TRAPPC10: variants seen among roughly 807,000 people sequenced by gnomAD.
TRAPPC10 encodes the protein trafficking protein particle complex subunit 10.
A neutral mutation model predicts 125.5 loss-of-function variants in TRAPPC10; 23 were observed. That is an observed-to-expected ratio of 0.18 (90% CI 0.13 to 0.26). The LOEUF is 0.26. Among genes scored for constraint, TRAPPC10 ranks in the 10% least tolerant of loss-of-function variants. TRAPPC10 has a pLI of 1.00. For missense variants in TRAPPC10, 1,123 were observed against 1,308.4 expected (o/e 0.86, Z 2.19); for synonymous variants, 509 against 518.0 (o/e 0.98, Z 0.24).
intron 3 of TRAPPC10, among the ~76,000 whole-genome samples, chr21:44,048,732 G>T (rs893096681): frequency 6.6e-6 from 1 of 150,462 alleles, no homozygotes; most frequent in Non-Finnish European, 1.5e-5. Context: ...GACCTCAAGT[G>T]ATCTGCCCAC....
At chr21:44,069,898 T>G (rs2036733797) in intron 7 of TRAPPC10, among the ~76,000 whole-genome samples, 1 of 147,754 alleles carries the variant, frequency 6.8e-6, no homozygotes, top group Admixed American at 6.8e-5. Flanking sequence ...AAGGCATACT[T>G]TTTTTTTTTT....
intron 1 of TRAPPC10, 27 bp from the exon 2 acceptor site, chr21:44,032,064 A>T: frequency 2.5e-6 from 4 of 1,583,450 alleles, no homozygotes; most frequent in Non-Finnish European, 3.5e-6. Flanking sequence ...AAAATATGGT[A>T]ACTGAATTTC....
chr21:44,031,474 C>T (rs1310392623), intron 1 of TRAPPC10, among the ~76,000 whole-genome samples: 3 of 152,208 alleles, frequency 2.0e-5, no homozygotes, highest in Admixed American at 6.5e-5. Flanking sequence ...TCCTAACTCG[C>T]GTCTGCCACT....
At chr21:44,013,756 G>C (rs971052431) in intron 1 of TRAPPC10, among the ~76,000 whole-genome samples, 47 of 152,160 alleles carry the variant, frequency 3.1e-4, no homozygotes, top group African/African-American at 1.1e-3. Context: ...ACCTAGACGA[G>C]ATGATAGACT....
chr21:44,071,211 G>T (rs2036840861), intron 7 of TRAPPC10, among the ~76,000 whole-genome samples: 1 of 152,186 alleles, frequency 6.6e-6, no homozygotes, highest in Non-Finnish European at 1.5e-5. Flanking sequence ...CAGGAGCCGG[G>T]TGCCTCTTTG....
chr21:44,090,302 A>T (rs887948689), intron 18 of TRAPPC10, among the ~76,000 whole-genome samples: 17 of 152,270 alleles, frequency 1.1e-4, no homozygotes, highest in African/African-American at 3.1e-4. Flanking sequence ...GGATTTGTTA[A>T]CTAGTTCTCC....
At chr21:44,092,452 G>A (rs1447864288) in intron 19 of TRAPPC10, among the ~76,000 whole-genome samples, 2 of 152,212 alleles carry the variant, frequency 1.3e-5, no homozygotes. Flanking sequence ...GCCTGCATCT[G>A]GACCTTGCTT....
At chr21:44,054,995 C>T (rs117837533) in intron 4 of TRAPPC10, among the ~76,000 whole-genome samples, 10 of 152,260 alleles carry the variant, frequency 6.6e-5, no homozygotes, top group Admixed American at 3.9e-4. Context: ...AGTGAGACAT[C>T]GTGGTCCTTT....
rs774337597 is a variant in TRAPPC10, at chr21:44,082,769, C to A, written c.1724-19C>A. 1.2e-6 allele frequency: 2 copies of A among 1,610,294 alleles called. No individual in the cohort carries two copies. The highest frequency in any genetic ancestry group is 1.7e-6 in the Non-Finnish European group (2 of 1,177,334). ...GAAGTGTGACTTGGGGAGTCACTTA[C>A]GATAATGTCTATTTACAGGTCATAA... On this transcript the variant is annotated intron_variant, in intron 13 of 22. Transcript: ENST00000291574. The surrounding 1 kb of genome is among the most constrained non-coding windows in gnomAD (Gnocchi z 4.4).
chr21:44,077,173 T>C (rs79412841), intron 10 of TRAPPC10, among the ~76,000 whole-genome samples: 2,630 of 152,272 alleles, frequency 0.017, 74 homozygotes, highest in African/African-American at 0.059. Flanking sequence ...TTGGATGAGT[T>C]TGTGGGTTTC....
At chr21:44,093,640 C>T (rs754030948) in intron 19 of TRAPPC10, among the ~76,000 whole-genome samples, 24 of 152,138 alleles carry the variant, frequency 1.6e-4, no homozygotes, top group Middle Eastern at 3.4e-3. Context: ...CATCTGTAGT[C>T]CCAGCTACTC....
In TRAPPC10 at chr21:44,072,448, C is replaced by T. The variant is rs118157998; in HGVS notation, c.1039-1876C>T. ...GTCTTCCTGCTTTGTAAGAGTCTCT[C>T]GTGGTCTCCTAGGAGGTGTTTGTTT... On this transcript the variant is annotated intron_variant, in intron 7 of 22. Coordinates refer to ENST00000291574, the MANE Select transcript of TRAPPC10 (RefSeq NM_003274.5). 7.0e-3 allele frequency among the ~76,000 whole-genome samples: 1,070 copies of T among 152,218 alleles called. 6 individuals carry two copies. Among genetic ancestry groups the T allele is most frequent in the African/African-American group, 0.02 (822 of 41,524 alleles).
chr21:44,042,147 A>G (rs191694127), intron 3 of TRAPPC10, among the ~76,000 whole-genome samples: 1 of 152,116 alleles, frequency 6.6e-6, no homozygotes, highest in South Asian at 2.1e-4. Context: ...TCTGTTTTCT[A>G]CTCAAGTTTC....
intron 3 of TRAPPC10, among the ~76,000 whole-genome samples, chr21:44,048,797 GT>G (rs34892092): frequency 0.2 from 21,588 of 105,528 alleles, 1,369 homozygotes; most frequent in African/African-American, 0.3. Flanking sequence ...CCCACCCTGT[GT>G]TTTTTTTTTT....
At chr21:44,073,974 T>C (rs2037080232) in intron 7 of TRAPPC10, among the ~76,000 whole-genome samples, 1 of 143,360 alleles carries the variant, frequency 7.0e-6, no homozygotes, top group African/African-American at 2.7e-5. Flanking sequence ...TCTAGGTTTT[T>C]CCTTTTTTTA....
In TRAPPC10 at chr21:44,063,783, G is replaced by C. The variant is rs763407233; in HGVS notation, c.1036G>C (p.Glu346Gln). Residue 346 changes from glutamate (E) to glutamine (Q), a missense_variant and splice_region_variant, in exon 7 of 23, where the codon GAA becomes CAA. Physicochemically the swap from Glu to Gln is conservative, Grantham distance 29. Transcript: ENST00000291574. The surrounding 1 kb of genome is among the most constrained non-coding windows in gnomAD (Gnocchi z 4.4). ...HNCVQELKLLEVSVPPGALDC... is the reference protein window; with the variant it reads ...HNCVQELKLLQVSVPPGALDC... ...CTGCGTGCAGGAACTGAAGCTCTTA[G>C]AAGTGAGTCGGCTGTTTTCCCAATT... 1 of 1,610,360 alleles carries C rather than the reference G, an allele frequency of 6.2e-7. No homozygotes were observed. Among genetic ancestry groups the C allele is most frequent in the South Asian group, 1.1e-5 (1 of 90,730 alleles).
At chr21:44,037,508 T>TA (rs1313544495) in intron 2 of TRAPPC10, among the ~76,000 whole-genome samples, 2 of 152,196 alleles carry the variant, frequency 1.3e-5, no homozygotes, top group Non-Finnish European at 2.9e-5. Flanking sequence ...GTCGAGTCTG[T>TA]AGTGGCCCTG....
At chr21:44,037,713 T>G in intron 2 of TRAPPC10, 79 bp from the exon 3 acceptor site, 2 of 1,498,554 alleles carry the variant, frequency 1.3e-6, no homozygotes, top group Non-Finnish European at 1.8e-6. Context: ...TACCATTACA[T>G]TATTTGTTGT....
At chr21:44,066,092 CA>C (rs1285365484) in intron 7 of TRAPPC10, among the ~76,000 whole-genome samples, 9 of 152,134 alleles carry the variant, frequency 5.9e-5, no homozygotes, top group African/African-American at 2.2e-4. Context: ...GAGCAGAGGC[CA>C]GGGGGTAGGT....
Sources: gnomAD v4.1 joint callset for allele counts (sites outside exome capture counted in the v4.1 genomes callset) on GRCh38, gnomAD v4.1.1 for gene constraint, Gnocchi (gnomAD v3.1) non-coding constraint, MANE v1.5 for transcripts, NCBI Gene and HGNC (gene_info 2026-07-23, HGNC 2026-07-21) for gene names.